The following LRRC36 variants were observed in gnomAD, a reference collection of about 807,000 sequenced individuals.
The protein encoded by LRRC36 is leucine-rich repeat-containing protein 36.
Under a neutral mutation model 81.1 loss-of-function variants are expected in LRRC36, and 62 were observed. The ratio of observed to expected loss-of-function variants is 0.76; its 90% CI spans 0.62 to 0.94. The LOEUF is 0.94. Among genes scored for constraint, LRRC36 ranks in the 40% least tolerant of loss-of-function variants. The pLI is 0.00. For missense variants in LRRC36, 761 were observed against 881.7 expected (o/e 0.86, Z 1.73); for synonymous variants, 334 against 348.6 (o/e 0.96, Z 0.47).
intron 1 of LRRC36, 60 bp from the exon 2 acceptor site, chr16:67,341,897 C>G (rs2038102214): frequency 3.4e-6 from 5 of 1,451,980 alleles, no homozygotes; most frequent in Non-Finnish European, 4.7e-6. Flanking sequence ...CCTACTTTCA[C>G]TGACTCTGCT....
At chr16:67,384,260 C>G (rs1400736289) in intron 13 of LRRC36, among the ~76,000 whole-genome samples, 6 of 152,084 alleles carry the variant, frequency 3.9e-5, no homozygotes, top group Non-Finnish European at 7.3e-5. Flanking sequence ...CATGGTGAAA[C>G]CTTGTCTCTA....
intron 12 of LRRC36, among the ~76,000 whole-genome samples, chr16:67,380,351 C>A (rs1319866932): frequency 6.6e-6 from 1 of 152,146 alleles, no homozygotes; most frequent in Non-Finnish European, 1.5e-5. Context: ...CCTTTCACTC[C>A]CCTCTGCCAA....
chr16:67,382,581 G>A (rs928393843), intron 13 of LRRC36, among the ~76,000 whole-genome samples: 2 of 152,180 alleles, frequency 1.3e-5, no homozygotes, highest in Admixed American at 6.5e-5. Flanking sequence ...CCTCTGGAAA[G>A]TGCCTGCTAT....
chr16:67,350,486 T>C (rs921840667), intron 5 of LRRC36, among the ~76,000 whole-genome samples, 196 bp downstream of exon 5: 9 of 152,208 alleles, frequency 5.9e-5, no homozygotes, highest in Admixed American at 5.2e-4. Context: ...CCAGAGCCCA[T>C]GAAAGCACAA....
chr16:67,370,098 T>C (rs890424004), intron 8 of LRRC36, among the ~76,000 whole-genome samples: 2 of 152,144 alleles, frequency 1.3e-5, no homozygotes, highest in Non-Finnish European at 2.9e-5. Flanking sequence ...GTGGAGAGGC[T>C]GGTTTTAAAT....
intron 8 of LRRC36, among the ~76,000 whole-genome samples, chr16:67,368,608 T>A (rs2039504238): frequency 2.0e-5 from 3 of 152,166 alleles, no homozygotes; most frequent in Admixed American, 6.5e-5. Flanking sequence ...ATGCCAGACT[T>A]TTTTCTGGGT....
intron 11 of LRRC36, among the ~76,000 whole-genome samples, chr16:67,377,162 AG>A (rs1255260541): frequency 1.3e-5 from 2 of 152,182 alleles, no homozygotes; most frequent in Non-Finnish European, 2.9e-5. Flanking sequence ...ATGTTCTTGA[AG>A]GTTATGGTTT....
Position 67,384,934 on chromosome 16 carries a change from G to A in LRRC36, c.2110G>A (p.Gly704Arg), listed in dbSNP as rs376950317. Residue 704 changes from glycine (G) to arginine (R), a missense_variant, in exon 14 of 14, where the codon GGG becomes AGG. Gly to Arg is a moderately radical substitution (Grantham distance 125). Coordinates refer to ENST00000329956, the MANE Select transcript of LRRC36 (RefSeq NM_018296.6). ...GAATAAGGAGCCAAAAGGTTATTCC[G>A]GGAAAGCGCTCCTGCCTCCTGAGAA... Reference protein sequence around the residue: ...QLNKEPKGYSGKALLPPEKGH... With the variant: ...QLNKEPKGYSRKALLPPEKGH... 3.7e-6 allele frequency: 6 copies of A among 1,614,186 alleles called. No individual in the cohort carries two copies. The African/African-American group carries it at 5.3e-5, about 14-fold the overall frequency.
chr16:67,354,688 C>T (rs1225765172), intron 5 of LRRC36, among the ~76,000 whole-genome samples: 3 of 152,210 alleles, frequency 2.0e-5, no homozygotes, highest in Non-Finnish European at 2.9e-5. Context: ...CATGCACAGC[C>T]TCCCTGACTA....
At chr16:67,347,414 C>T (rs991451632) in intron 3 of LRRC36, 81 bp from the exon 4 acceptor site, 6 of 1,585,274 alleles carry the variant, frequency 3.8e-6, no homozygotes, top group South Asian at 2.3e-5. Flanking sequence ...TTTTCCTCTG[C>T]GAATATGGTT....
At chr16:67,380,353 C>G (rs1213826759) in intron 12 of LRRC36, among the ~76,000 whole-genome samples, 1 of 152,194 alleles carries the variant, frequency 6.6e-6, no homozygotes, top group Non-Finnish European at 1.5e-5. Context: ...TTTCACTCCC[C>G]TCTGCCAACA....
chr16:67,340,716 T>A (rs938401531), intron 1 of LRRC36, among the ~76,000 whole-genome samples: 3 of 150,950 alleles, frequency 2.0e-5, no homozygotes, highest in Non-Finnish European at 4.4e-5. Context: ...ATATGTATAT[T>A]CTATATATAT....
Position 67,375,284 on chromosome 16 carries a change from C to T in LRRC36, c.1532C>T (p.Ala511Val). ...GACCTGGGTAGTTTGCACGGTTTGG[C>T]TGGAAACCACAGTCCCCCCATCTCT... ...SSDLGSLHGL[A>V]GNHSPPISAR... Residue 511 changes from alanine (A) to valine (V), a missense_variant, in exon 10 of 14, where the codon GCT (alanine) becomes GTT (valine). By Grantham distance (64) the Ala-to-Val change is moderately conservative (BLOSUM62 0). Transcript: ENST00000329956. The T allele has an allele frequency of 6.2e-7, 1 of 1,612,390 alleles. No individual in the cohort carries two copies. The highest frequency in any genetic ancestry group is 8.5e-7 in the Non-Finnish European group (1 of 1,179,782).
intron 1 of LRRC36, 122 bp from the exon 2 acceptor site, chr16:67,341,835 A>T (rs2038098638): frequency 1.7e-6 from 1 of 585,868 alleles, no homozygotes; most frequent in Non-Finnish European, 2.8e-6. Context: ...ATCTGATCTT[A>T]TGAGGCTTGG....
At chr16:67,362,752 TC>T (rs2039212924) in intron 5 of LRRC36, among the ~76,000 whole-genome samples, 3 of 149,046 alleles carry the variant, frequency 2.0e-5, no homozygotes, top group African/African-American at 7.8e-5. Context: ...CTGGTTTCTC[TC>T]TCTTTTTTTT....
At chr16:67,376,907 G>A (rs777798276) in intron 11 of LRRC36, 35 bp downstream of exon 11, 7 of 1,575,290 alleles carry the variant, frequency 4.4e-6, no homozygotes, top group Non-Finnish European at 3.5e-6. Flanking sequence ...GAAAAGGACA[G>A]AGCAGCAGAA....
chr16:67,371,142 A>G lies in LRRC36; in HGVS notation c.1394A>G (p.Lys465Arg), dbSNP rs1353948975. Residue 465 changes from lysine to arginine, a missense_variant, in exon 9 of 14, where the codon AAG (lysine) becomes AGG (arginine). Physicochemically the swap from Lys to Arg is conservative, Grantham distance 26. Around this residue, in one of 3 missense-constraint regions of LRRC36, gnomAD observed 359 missense variants for 388.4 expected, o/e 0.92. Transcript: ENST00000329956. ...GTSEHRKIFT[K>R]RSLSPSKRGF... ...TCAGAACACAGAAAGATTTTTACCAAGAGGTCACTAAGCCCATCGAAGAGA... is the reference window on the plus strand; with the variant it reads ...TCAGAACACAGAAAGATTTTTACCAGGAGGTCACTAAGCCCATCGAAGAGA... The G allele has an allele frequency of 2.5e-6, 4 of 1,614,214 alleles. No individual in the cohort carries two copies. Among genetic ancestry groups the G allele is most frequent in the African/African-American group, 2.7e-5 (2 of 75,058 alleles).
At chr16:67,357,078 A>C (rs17768997) in intron 5 of LRRC36, among the ~76,000 whole-genome samples, 3,484 of 152,346 alleles carry the variant, frequency 0.023, 197 homozygotes, top group East Asian at 0.22. Context: ...CTCGGAGGCC[A>C]ATGGTAAAAT....
At chr16:67,339,103 C>A (rs1452212596) in intron 1 of LRRC36, among the ~76,000 whole-genome samples, 1 of 150,836 alleles carries the variant, frequency 6.6e-6, no homozygotes, top group East Asian at 1.9e-4. Flanking sequence ...CCATGTTGGC[C>A]AGGCTGGTCT....
Sources: gnomAD v4.1 joint callset for allele counts (sites outside exome capture counted in the v4.1 genomes callset) on GRCh38, gnomAD v4.1.1 for gene constraint, gnomAD v4.1.1 regional missense constraint, MANE v1.5 for transcripts, NCBI Gene and HGNC (gene_info 2026-07-23, HGNC 2026-07-21) for gene names.